RPS6KA2: variants seen among roughly 807,000 people sequenced by gnomAD.
The protein encoded by RPS6KA2 is ribosomal protein S6 kinase A2, also known as ribosomal protein S6 kinase alpha-2.
Under a neutral mutation model 91.8 loss-of-function variants are expected in RPS6KA2, and 42 were observed. The ratio of observed to expected loss-of-function variants is 0.46; its 90% CI spans 0.36 to 0.59. RPS6KA2 has a LOEUF of 0.59. RPS6KA2 is among the 20% of genes least tolerant of loss of function. The probability of loss-of-function intolerance (pLI) is 0.00; values close to 1 mark genes in which losing one functional copy is unlikely to be tolerated. For synonymous variants in RPS6KA2, 414 were observed against 393.6 expected (o/e 1.05, Z -0.61); for missense variants, 798 against 978.5 (o/e 0.82, Z 2.46).
At chr6:166,684,015 C>T (rs1167365270) in intron 2 of RPS6KA2, among the ~76,000 whole-genome samples, 2 of 152,176 alleles carry the variant, frequency 1.3e-5, no homozygotes, top group African/African-American at 4.8e-5. Flanking sequence ...CAGACACGCT[C>T]TTGTAGGAAC....
rs1786901695 is a variant in RPS6KA2 at position 166,626,899 on chromosome 6, GC to G, written c.99+21del. The G allele has an allele frequency of 6.8e-7, 1 of 1,472,570 alleles. No homozygotes were observed. 91.2% of individuals were successfully genotyped at this position (1,472,570 alleles called of 1,614,324 possible). A position where few individuals can be genotyped will look rare whatever the true frequency, so the allele number is the denominator to read the frequency against. ...CCCGCTCAGTGCCCGGCACCTGCGC[GC>G]CCCGAGGGCGGCCGCATTACCTCGA... is the stretch of plus-strand genomic sequence containing the variant. On this transcript the variant is annotated intron_variant, in intron 1 of 20. Coordinates refer to ENST00000265678, the MANE Select transcript of RPS6KA2 (RefSeq NM_021135.6). The surrounding 1 kb of genome is among the most constrained non-coding windows in gnomAD (Gnocchi z 4.1).
At chr6:166,636,028 T>C (rs2128547704) in intron 2 of RPS6KA2, among the ~76,000 whole-genome samples, 1 of 152,314 alleles carries the variant, frequency 6.6e-6, no homozygotes, top group Admixed American at 6.5e-5. Context: ...CTTACTTTCT[T>C]GCCAGTAAAG....
At position 166,480,513 on chromosome 6, in the gene RPS6KA2, ATAATATATT is replaced by A. The variant is rs1562524007; in HGVS notation, c.907+8311_907+8319del. Among the ~76,000 whole-genome samples, 813 of 96,498 alleles carry A rather than the reference ATAATATATT, an allele frequency of 8.4e-3. 51 individuals are homozygous for A. Among genetic ancestry groups the A allele is most frequent in the African/African-American group, 0.029 (785 of 26,708 alleles). 63.3% of individuals were successfully genotyped at this position (96,498 alleles called of 152,430 possible). The stretch of plus-strand genomic sequence containing the variant: ...TATATATATATATATATATATATAT[ATAATATATT>A]TTTTTTTTTTGAGAGAGAGTTTTGC... On this transcript the variant is annotated intron_variant, in intron 10 of 20. Transcript: ENST00000265678.
intron 2 of RPS6KA2, among the ~76,000 whole-genome samples, chr6:166,823,076 C>T (rs1241297626): frequency 6.6e-6 from 1 of 152,160 alleles, no homozygotes; most frequent in Non-Finnish European, 1.5e-5. Flanking sequence ...GCAGACGACC[C>T]CACCTGAATA....
At chr6:166,443,030 G>A (rs1779568693) in intron 14 of RPS6KA2, among the ~76,000 whole-genome samples, 1 of 151,984 alleles carries the variant, frequency 6.6e-6, no homozygotes, top group African/African-American at 2.4e-5. Context: ...AACATAAACG[G>A]TCCATTAACA....
intron 2 of RPS6KA2, among the ~76,000 whole-genome samples, chr6:166,752,263 A>G (rs1261437562): frequency 6.6e-6 from 1 of 152,242 alleles, no homozygotes; most frequent in Non-Finnish European, 1.5e-5. Context: ...GACATCACAC[A>G]GAGTGAACAG....
intron 2 of RPS6KA2, among the ~76,000 whole-genome samples, chr6:166,675,777 G>T (rs867917075): frequency 6.6e-6 from 1 of 152,160 alleles, no homozygotes; most frequent in African/African-American, 2.4e-5. Flanking sequence ...TAAATCGGGA[G>T]GAATGCTTTC....
chr6:166,447,244 C>T lies in RPS6KA2; in HGVS notation c.1332+1480G>A, dbSNP rs143375302. 5.6e-4 allele frequency among the ~76,000 whole-genome samples: 85 copies of T among 152,282 alleles called. 1 individual carries two copies. The highest frequency in any genetic ancestry group is 1.6e-3 in the African/African-American group (67 of 41,554). ...GACATTCTACCATGACAGTAACCCT[C>T]GCTGCAGTCTCCACCCAATTACAGT... On this transcript the variant is annotated intron_variant, in intron 14 of 20. Coordinates refer to ENST00000265678, the MANE Select transcript of RPS6KA2 (RefSeq NM_021135.6).
intron 2 of RPS6KA2, among the ~76,000 whole-genome samples, chr6:166,758,105 G>T (rs147402424): frequency 2.4e-3 from 362 of 152,362 alleles, no homozygotes; most frequent in African/African-American, 8.1e-3. Flanking sequence ...CCTTAGCAGT[G>T]CATGAAAAGA....
intron 2 of RPS6KA2, among the ~76,000 whole-genome samples, chr6:166,762,512 T>C (rs2128603702): frequency 6.6e-6 from 1 of 152,298 alleles, no homozygotes; most frequent in East Asian, 1.9e-4. Context: ...TGAAAGTATC[T>C]TGGGAAACTG....
chr6:166,487,122 T>G (rs1261711022), intron 10 of RPS6KA2, among the ~76,000 whole-genome samples: 1 of 152,240 alleles, frequency 6.6e-6, no homozygotes, highest in Non-Finnish European at 1.5e-5. Flanking sequence ...GGTATGGCTA[T>G]TTCTGTTGGA....
At chr6:166,470,753 C>T (rs751385797) in intron 10 of RPS6KA2, among the ~76,000 whole-genome samples, 5 of 152,164 alleles carry the variant, frequency 3.3e-5, no homozygotes, top group African/African-American at 4.8e-5. Context: ...CACTACTGTT[C>T]GGGAAAGCGG....
intron 1 of RPS6KA2, among the ~76,000 whole-genome samples, chr6:166,541,070 G>T (rs768659955): frequency 1.3e-5 from 2 of 152,270 alleles, no homozygotes; most frequent in Non-Finnish European, 2.9e-5. Context: ...ACTAGCACGC[G>T]CATGAGTCAT....
At chr6:166,828,038 C>T (rs1226739318) in intron 2 of RPS6KA2, among the ~76,000 whole-genome samples, 1 of 152,212 alleles carries the variant, frequency 6.6e-6, no homozygotes, top group Admixed American at 6.5e-5. Flanking sequence ...AGGTACCTGA[C>T]AGAATTTGCT....
In RPS6KA2 at chr6:166,508,193, G is replaced by T. The variant is rs776814267; in HGVS notation, c.459+10C>A. On this transcript the variant is annotated intron_variant, in intron 5 of 20. Coordinates refer to ENST00000265678, the MANE Select transcript of RPS6KA2 (RefSeq NM_021135.6). The surrounding 1 kb of genome is among the most constrained non-coding windows in gnomAD (Gnocchi z 4.3). ...TGCCCGCCCTCCTGTGTGATGTGGCGGCTGCTCACCTCTTTGGAGAGCCGG... is the reference window on the plus strand; with the variant it reads ...TGCCCGCCCTCCTGTGTGATGTGGCTGCTGCTCACCTCTTTGGAGAGCCGG... 1.3e-6 allele frequency: 2 copies of T among 1,591,948 alleles called. No homozygotes were observed. Among genetic ancestry groups the T allele is most frequent in the Non-Finnish European group, 1.7e-6 (2 of 1,160,572 alleles).
At position 166,413,895 on chromosome 6, in the gene RPS6KA2, G is replaced by C; in HGVS notation, c.1975C>G (p.Gln659Glu). The C allele has an allele frequency of 6.2e-7, 1 of 1,614,122 alleles. No individual in the cohort carries two copies. The highest frequency in any genetic ancestry group is 8.5e-7 in the Non-Finnish European group (1 of 1,179,994). ...VSKMLHVDPH[Q>E]RLTAMQVLKH... ...AGCACTTGCATCGCCGTCAGGCGCT[G>C]ATGAGGGTCCACGTGGAGCATCTTG... Residue 659 changes from glutamine (Q) to glutamate (E), a missense_variant, in exon 20 of 21, where the codon CAG (glutamine) becomes GAG (glutamate). Physicochemically the swap from Gln to Glu is conservative, Grantham distance 29. Coordinates refer to ENST00000265678, the MANE Select transcript of RPS6KA2 (RefSeq NM_021135.6).
At chr6:166,805,702 C>T (rs1262804165) in intron 2 of RPS6KA2, among the ~76,000 whole-genome samples, 1 of 152,004 alleles carries the variant, frequency 6.6e-6, no homozygotes, top group African/African-American at 2.4e-5. Flanking sequence ...ATTCCAATGT[C>T]CAGTTTCAAC....
At chr6:166,637,259 G>A (rs558956822) in intron 2 of RPS6KA2, among the ~76,000 whole-genome samples, 10 of 152,346 alleles carry the variant, frequency 6.6e-5, no homozygotes, top group East Asian at 3.9e-4. Context: ...AAGGACACAC[G>A]AGTGCTTCCT....
chr6:166,757,048 A>G (rs1778032303), intron 2 of RPS6KA2, among the ~76,000 whole-genome samples: 1 of 152,132 alleles, frequency 6.6e-6, no homozygotes, highest in Non-Finnish European at 1.5e-5. Context: ...AAACTGAAAA[A>G]TCTTACGCAC....
Sources: allele counts gnomAD v4.1 joint callset (sites outside exome capture counted in the v4.1 genomes callset), GRCh38; gene constraint gnomAD v4.1.1; non-coding constraint Gnocchi (gnomAD v3.1); transcripts MANE v1.5; gene names NCBI Gene and HGNC (gene_info 2026-07-23, HGNC 2026-07-21).